The following FSIP1 variants were observed in gnomAD, a reference collection of about 807,000 sequenced individuals.
FSIP1 encodes fibrous sheath-interacting protein 1.
Under a neutral mutation model 60.9 loss-of-function variants are expected in FSIP1, and 65 were observed. The observed-to-expected ratio is 1.07, with a 90% CI of 0.87 to 1.31. FSIP1 has a LOEUF of 1.31. Ranked by LOEUF, FSIP1 falls within the 40% of genes most tolerant of loss-of-function variation. The pLI, the probability that FSIP1 is intolerant of heterozygous loss-of-function variation, is 0.00. For synonymous variants in FSIP1, 209 were observed against 221.2 expected, an observed-to-expected ratio of 0.94 and a Z score of 0.49; for missense variants, 675 against 665.5, an observed-to-expected ratio of 1.01 and a Z score of -0.16.
At chr15:39,745,365 A>C (rs1439796228) in intron 5 of FSIP1, among the ~76,000 whole-genome samples, 1 of 152,234 alleles carries the variant, frequency 6.6e-6, no homozygotes, top group Non-Finnish European at 1.5e-5. Flanking sequence ...ATAAATAAGA[A>C]TTAAGTTTCT....
chr15:39,651,879 T>A (rs1892886368), intron 10 of FSIP1, among the ~76,000 whole-genome samples: 1 of 152,230 alleles, frequency 6.6e-6, no homozygotes, highest in South Asian at 2.1e-4. Flanking sequence ...ACTACGTATC[T>A]ATCTCCCCCA....
intron 10 of FSIP1, among the ~76,000 whole-genome samples, chr15:39,696,014 C>A (rs1268393301): frequency 2.6e-5 from 4 of 152,182 alleles, no homozygotes; most frequent in Non-Finnish European, 5.9e-5. Context: ...ATTACTTACT[C>A]AAAACACACT....
chr15:39,673,262 T>C (rs145210084), intron 10 of FSIP1, among the ~76,000 whole-genome samples: 15 of 152,304 alleles, frequency 9.8e-5, no homozygotes, highest in Admixed American at 6.5e-4. Context: ...AAATATCAAA[T>C]TTCCTTTTTT....
chr15:39,725,165 A>G (rs1194503573), intron 9 of FSIP1, among the ~76,000 whole-genome samples: 1 of 152,220 alleles, frequency 6.6e-6, no homozygotes, highest in African/African-American at 2.4e-5. Context: ...CAGGAGGCGG[A>G]GCTTGCAGTG....
At chr15:39,715,908 C>A (rs1895720058) in intron 9 of FSIP1, among the ~76,000 whole-genome samples, 1 of 152,164 alleles carries the variant, frequency 6.6e-6, no homozygotes, top group Non-Finnish European at 1.5e-5. Flanking sequence ...TGCCTGCTTC[C>A]CCTTCACCTT....
chr15:39,771,431 C>A (rs1231926724), intron 2 of FSIP1, among the ~76,000 whole-genome samples: 2 of 152,216 alleles, frequency 1.3e-5, no homozygotes, highest in Non-Finnish European at 2.9e-5. Context: ...CAACTCTCCA[C>A]CACAATCTGC....
At chr15:39,688,276 T>C (rs762174421) in intron 10 of FSIP1, among the ~76,000 whole-genome samples, 1 of 152,142 alleles carries the variant, frequency 6.6e-6, no homozygotes, top group African/African-American at 2.4e-5. Context: ...AAGTTGAAAA[T>C]ACAGTAAGCC....
intron 3 of FSIP1, among the ~76,000 whole-genome samples, 188 bp from the exon 4 acceptor site, chr15:39,765,934 A>C (rs548099712): frequency 6.6e-6 from 1 of 152,346 alleles, no homozygotes. Flanking sequence ...TTATCTAACA[A>C]CCCTATGAAA....
chr15:39,753,034 ACTAT>A (rs1897209315), intron 5 of FSIP1, among the ~76,000 whole-genome samples: 4 of 152,138 alleles, frequency 2.6e-5, no homozygotes, highest in Admixed American at 1.3e-4. Flanking sequence ...TATTTAAAAG[ACTAT>A]CTGAGATTGC....
intron 10 of FSIP1, among the ~76,000 whole-genome samples, chr15:39,637,400 C>G (rs1892181015): frequency 6.6e-6 from 1 of 152,142 alleles, no homozygotes; most frequent in African/African-American, 2.4e-5. Flanking sequence ...AGTAGGCTAC[C>G]CAATCACAAC....
At chr15:39,609,842 A>G (rs1890961612) in intron 11 of FSIP1, among the ~76,000 whole-genome samples, 1 of 152,262 alleles carries the variant, frequency 6.6e-6, no homozygotes, top group African/African-American at 2.4e-5. Flanking sequence ...ATCAGACCAC[A>G]GAGCACAGCC....
At chr15:39,615,709 T>C (rs1459444982) in intron 11 of FSIP1, among the ~76,000 whole-genome samples, 1 of 126,870 alleles carries the variant, frequency 7.9e-6, no homozygotes, top group Non-Finnish European at 1.6e-5. Flanking sequence ...ACAGTGAAAC[T>C]CCATCTCTAC....
At position 39,732,619 on chromosome 15, in the gene FSIP1, C is replaced by CAAAA. The variant is rs56106819; in HGVS notation, c.891+5468_891+5471dup. Reference sequence around the variant, plus strand: ...GGGTGACAAGAGTGAAACTCCATCTCAAAAAAAAAAAAAAAAAAAAAATTA... The same window carrying CAAAA: ...GGGTGACAAGAGTGAAACTCCATCTCAAAAAAAAAAAAAAAAAAAAAAAAAATTA... On this transcript the variant is annotated intron_variant, in intron 8 of 11. Coordinates refer to ENST00000350221, the MANE Select transcript of FSIP1 (RefSeq NM_152597.5). 2.4e-3 allele frequency among the ~76,000 whole-genome samples: 189 copies of CAAAA among 80,102 alleles called. 3 individuals are homozygous for CAAAA. Among genetic ancestry groups the CAAAA allele is most frequent in the African/African-American group, 7.7e-3 (180 of 23,326 alleles). 52.6% of individuals were successfully genotyped at this position (80,102 alleles called of 152,430 possible).
chr15:39,779,454 G>A (rs1898174592), intron 1 of FSIP1, among the ~76,000 whole-genome samples: 1 of 152,024 alleles, frequency 6.6e-6, no homozygotes, highest in South Asian at 2.1e-4. Context: ...ATTTATTATA[G>A]AAAGATCTCT....
intron 2 of FSIP1, among the ~76,000 whole-genome samples, chr15:39,773,658 C>A (rs1215140378): frequency 6.6e-6 from 1 of 152,202 alleles, no homozygotes; most frequent in African/African-American, 2.4e-5. Context: ...CATAGTGAGA[C>A]CCCTGTCTCT....
At chr15:39,621,215 C>T (rs919254999) in intron 10 of FSIP1, among the ~76,000 whole-genome samples, 6 of 152,126 alleles carry the variant, frequency 3.9e-5, no homozygotes, top group African/African-American at 1.2e-4. Flanking sequence ...ATTGACCAGA[C>T]GTGCTTACAG....
intron 1 of FSIP1, among the ~76,000 whole-genome samples, chr15:39,778,645 A>C (rs1215167566): frequency 6.6e-6 from 1 of 152,224 alleles, no homozygotes; most frequent in Non-Finnish European, 1.5e-5. Flanking sequence ...AATAGTTATA[A>C]TTACGTAAGC....
At chr15:39,751,100 T>C (rs961758797) in intron 5 of FSIP1, among the ~76,000 whole-genome samples, 1 of 151,730 alleles carries the variant, frequency 6.6e-6, no homozygotes, top group African/African-American at 2.4e-5. Flanking sequence ...AAAGCTATTA[T>C]CAAAAAGACA....
At chr15:39,739,629 C>T in intron 7 of FSIP1, 36 bp downstream of exon 7, 1 of 1,566,082 alleles carries the variant, frequency 6.4e-7, no homozygotes, top group Non-Finnish European at 8.6e-7. Flanking sequence ...ACTCATTTAG[C>T]CCCAAATTCT....
Sources: gnomAD v4.1 joint callset for allele counts (sites outside exome capture counted in the v4.1 genomes callset) on GRCh38, gnomAD v4.1.1 for gene constraint, MANE v1.5 for transcripts, NCBI Gene and HGNC (gene_info 2026-07-23, HGNC 2026-07-21) for gene names.